The following ZEB1 variants were observed in gnomAD, a reference collection of about 807,000 sequenced individuals.
ZEB1 encodes zinc finger E-box-binding homeobox 1.
In ZEB1, 21 loss-of-function variants were observed where a neutral mutation model predicts 84.9. The ratio of observed to expected loss-of-function variants is 0.25; its 90% CI spans 0.18 to 0.36. The LOEUF is 0.36. Among genes scored for constraint, ZEB1 ranks in the 10% least tolerant of loss-of-function variants. ZEB1 has a pLI of 1.00. For synonymous variants in ZEB1, 420 were observed against 471.1 expected (o/e 0.89, Z 1.41); for missense variants, 1,104 against 1,330.2 (o/e 0.83, Z 2.65).
At chr10:31,473,615 G>A (rs1407288798) in intron 2 of ZEB1, among the ~76,000 whole-genome samples, 31 of 149,444 alleles carry the variant, frequency 2.1e-4, no homozygotes, top group East Asian at 5.9e-4. Context: ...AATCAATATC[G>A]TGAAAATGGC....
At chr10:31,340,259 G>A (rs2039092314) in intron 1 of ZEB1, among the ~76,000 whole-genome samples, 2 of 151,906 alleles carry the variant, frequency 1.3e-5, no homozygotes, top group African/African-American at 2.4e-5. Flanking sequence ...AGCATATCCT[G>A]CTTTTGGTAC....
chr10:31,339,372 A>G (rs2133521960), intron 1 of ZEB1, among the ~76,000 whole-genome samples: 1 of 152,274 alleles, frequency 6.6e-6, no homozygotes, highest in Non-Finnish European at 1.5e-5. Context: ...TCTGAGAGAG[A>G]GTATTTCCTG....
chr10:31,370,108 C>T (rs1178913304), intron 1 of ZEB1, among the ~76,000 whole-genome samples: 1 of 151,938 alleles, frequency 6.6e-6, no homozygotes, highest in Non-Finnish European at 1.5e-5. Flanking sequence ...AGATATTAAC[C>T]CCTTATTAAA....
chr10:31,446,312 T>G (rs2059768525), intron 1 of ZEB1, among the ~76,000 whole-genome samples: 1 of 152,218 alleles, frequency 6.6e-6, no homozygotes, highest in Non-Finnish European at 1.5e-5. Context: ...TCTCTTTTTT[T>G]ATTAGTCTTG....
intron 1 of ZEB1, chr10:31,321,173 G>T: frequency 9.2e-7 from 1 of 1,084,328 alleles, no homozygotes; most frequent in African/African-American, 1.7e-5. Flanking sequence ...GCGAGGTTTT[G>T]TAACCTTTCC....
intron 5 of ZEB1, among the ~76,000 whole-genome samples, chr10:31,514,296 A>C (rs1015554072): frequency 1.3e-5 from 2 of 152,158 alleles, no homozygotes; most frequent in African/African-American, 4.8e-5. Context: ...ATTTTTACTA[A>C]TTTTGAATAT....
In ZEB1 at chr10:31,461,079, A is replaced by G. The variant is rs757485471; in HGVS notation, c.101A>G (p.Asp34Gly). ...NTVVETNSDS[D>G]DEDKLHIVEE... The stretch of plus-strand genomic sequence containing the variant: ...GTGGTAGAAACAAATTCAGATTCAG[A>G]TGATGAAGACAAACTGCATATTGTG... Residue 34 changes from aspartate (D) to glycine (G), a missense_variant, in exon 2 of 9, where the codon GAT becomes GGT. Asp to Gly is a moderately conservative substitution (Grantham distance 94). Around this residue, in one of 7 missense-constraint regions of ZEB1, gnomAD observed 162 missense variants for 184.5 expected, o/e 0.88. Coordinates refer to ENST00000424869, the MANE Select transcript of ZEB1 (RefSeq NM_001174096.2). 3.1e-6 allele frequency: 5 copies of G among 1,608,682 alleles called. No individual in the cohort carries two copies. The East Asian group carries it at 8.9e-5, about 29-fold the overall frequency.
chr10:31,372,996 TAATA>T, intron 1 of ZEB1: 1 of 985,268 alleles, frequency 1.0e-6, no homozygotes, highest in Non-Finnish European at 1.2e-6. Context: ...GGGAACAACT[TAATA>T]AAGTTTGGGT....
At position 31,521,264 on chromosome 10, in the gene ZEB1, A is replaced by G. The variant is rs1412517545; in HGVS notation, c.1932A>G (p.Glu644=). ...QAGQISVQSS[E]PSSPEPGKVN... ...GACAGATTTCAGTGCAGTCTTCTGAACCATCTTCTCCTGAACCAGGCAAAG... is the reference window on the plus strand; with the variant it reads ...GACAGATTTCAGTGCAGTCTTCTGAGCCATCTTCTCCTGAACCAGGCAAAG... Residue 644 remains glutamate, a synonymous_variant, in exon 7 of 9, where the codon GAA becomes GAG. Transcript: ENST00000424869. 1.2e-6 allele frequency: 2 copies of G among 1,613,958 alleles called. No homozygotes were observed. Among genetic ancestry groups the G allele is most frequent in the African/African-American group, 2.7e-5 (2 of 74,912 alleles).
chr10:31,490,487 TTTAAACTTTGG>T (rs2066378073), intron 2 of ZEB1, among the ~76,000 whole-genome samples: 1 of 151,762 alleles, frequency 6.6e-6, no homozygotes, highest in Admixed American at 6.6e-5. Context: ...TCCAGTGATT[TTTAAACTTTGG>T]TTACTGTATG....
intron 1 of ZEB1, among the ~76,000 whole-genome samples, chr10:31,424,919 C>A (rs1287005487): frequency 6.6e-6 from 1 of 151,932 alleles, no homozygotes; most frequent in Admixed American, 6.6e-5. Flanking sequence ...ACAAAACAGT[C>A]AGTATAGACA....
intron 2 of ZEB1, among the ~76,000 whole-genome samples, chr10:31,471,922 C>G (rs1487061146): frequency 7.1e-6 from 1 of 141,800 alleles, no homozygotes; most frequent in Admixed American, 6.7e-5. Context: ...CAAAACCACT[C>G]AACTACATGG....
intron 1 of ZEB1, among the ~76,000 whole-genome samples, chr10:31,417,084 G>T (rs542098631): frequency 6.6e-6 from 1 of 152,078 alleles, no homozygotes; most frequent in Admixed American, 6.6e-5. Flanking sequence ...GACCTACAAT[G>T]TGCCAACAAT....
upstream of ZEB1, chr10:31,319,024 C>T: frequency 1.6e-6 from 1 of 624,548 alleles, no homozygotes; most frequent in Non-Finnish European, 2.9e-6. Context: ...CAGCAGTGCC[C>T]ACGGTTGCCG....
chr10:31,450,343 C>CT (rs1266935340), intron 1 of ZEB1, among the ~76,000 whole-genome samples: 2 of 151,870 alleles, frequency 1.3e-5, no homozygotes, highest in Non-Finnish European at 2.9e-5. Flanking sequence ...ATTTTTTCCT[C>CT]TTTCGTGTTT....
At chr10:31,376,879 G>T (rs569299768) in intron 1 of ZEB1, among the ~76,000 whole-genome samples, 2 of 151,496 alleles carry the variant, frequency 1.3e-5, no homozygotes, top group Non-Finnish European at 3.0e-5. Context: ...TCATAAAGTT[G>T]TGCCAACGGA....
At chr10:31,369,194 CACCTCACCTA>C (rs2134376845) in intron 1 of ZEB1, among the ~76,000 whole-genome samples, 1 of 152,152 alleles carries the variant, frequency 6.6e-6, no homozygotes, top group Non-Finnish European at 1.5e-5. Flanking sequence ...ACATATCTGT[CACCTCACCTA>C]TAATATTTCA....
chr10:31,451,722 C>G (rs1326856089), intron 1 of ZEB1, among the ~76,000 whole-genome samples: 2 of 152,088 alleles, frequency 1.3e-5, no homozygotes, highest in African/African-American at 4.8e-5. Flanking sequence ...TGTACGAACA[C>G]TGGCTGAAAT....
chr10:31,427,789 G>T (rs1411445934), intron 1 of ZEB1, among the ~76,000 whole-genome samples: 1 of 151,516 alleles, frequency 6.6e-6, no homozygotes, highest in Non-Finnish European at 1.5e-5. Flanking sequence ...AACCCAGGAG[G>T]TGGAGCTTGC....
Sources: gnomAD v4.1 joint callset for allele counts (sites outside exome capture counted in the v4.1 genomes callset) on GRCh38, gnomAD v4.1.1 for gene constraint, gnomAD v4.1.1 regional missense constraint, MANE v1.5 for transcripts, NCBI Gene and HGNC (gene_info 2026-07-23, HGNC 2026-07-21) for gene names.